Variants in GARIN2 observed in about 807,000 individuals in gnomAD.
The protein encoded by GARIN2 is golgi associated RAB2 interactor family member 2.
chr14:67,223,854 T>C, the GARIN2 span: 2 of 985,632 alleles, frequency 2.0e-6, no homozygotes, highest in African/African-American at 3.5e-5. Context: ...TTACTCTCAC[T>C]TAACACCCTG....
At chr14:67,221,873 C>T in the GARIN2 span, 1 of 1,587,134 alleles carries the variant, frequency 6.3e-7, no homozygotes, top group Non-Finnish European at 8.6e-7. Flanking sequence ...TCTCTGGTTC[C>T]TAGAAGAGTA....
chr14:67,203,284 T>G, the GARIN2 span: 9 of 1,585,614 alleles, frequency 5.7e-6, no homozygotes, highest in Non-Finnish European at 7.7e-6. Context: ...GAGAAACTAG[T>G]GCTCACCAGG....
At chr14:67,213,238 T>C in the GARIN2 span, among the ~76,000 whole-genome samples, 2 of 150,706 alleles carry the variant, frequency 1.3e-5, no homozygotes, top group African/African-American at 4.9e-5. Context: ...TATGTATACA[T>C]GTGCCATGCT....
At chr14:67,221,810 A>G in the GARIN2 span, 1 of 1,613,060 alleles carries the variant, frequency 6.2e-7, no homozygotes, top group East Asian at 2.2e-5. Context: ...CACTTCAGGT[A>G]TGGAACAAAT....
the GARIN2 span, chr14:67,208,283 G>A: frequency 6.2e-7 from 1 of 1,613,972 alleles, no homozygotes. Flanking sequence ...CTCAAAACAT[G>A]TCACCATCTC....
the GARIN2 span, chr14:67,203,423 C>A: frequency 1.5e-6 from 1 of 685,082 alleles, no homozygotes. Flanking sequence ...CTGCAAATGA[C>A]AAAGAGGAGC....
At chr14:67,225,973 G>T in the GARIN2 span, among the ~76,000 whole-genome samples, 16 of 144,890 alleles carry the variant, frequency 1.1e-4, no homozygotes, top group Non-Finnish European at 7.6e-5. Flanking sequence ...GCGCGCGCGC[G>T]CGTGCGCATG....
chr14:67,190,859 G>A, the GARIN2 span, among the ~76,000 whole-genome samples: 4 of 152,210 alleles, frequency 2.6e-5, no homozygotes, highest in Non-Finnish European at 4.4e-5. Context: ...ACACTTCAAA[G>A]TGCTGGGAAT....
chr14:67,224,676 A>G, the GARIN2 span: 2 of 322,582 alleles, frequency 6.2e-6, no homozygotes, highest in South Asian at 2.5e-5. Context: ...TGATTCTTTG[A>G]TATTTTTTCC....
chr14:67,207,245 A>G, the GARIN2 span, among the ~76,000 whole-genome samples: 2 of 152,162 alleles, frequency 1.3e-5, no homozygotes, highest in Non-Finnish European at 2.9e-5. Context: ...AAGGAAGCAC[A>G]ATGCTGGCAT....
At chr14:67,218,881 G>C in the GARIN2 span, among the ~76,000 whole-genome samples, 5 of 152,062 alleles carry the variant, frequency 3.3e-5, no homozygotes, top group Admixed American at 1.3e-4. Flanking sequence ...AAGTGCAGCA[G>C]TGAGGGTTGG....
chr14:67,220,031 AG>A, the GARIN2 span, among the ~76,000 whole-genome samples: 1 of 152,240 alleles, frequency 6.6e-6, no homozygotes, highest in African/African-American at 2.4e-5. Context: ...CAGAGACATT[AG>A]TGGGATTTAG....
the GARIN2 span, among the ~76,000 whole-genome samples, chr14:67,213,852 C>A: frequency 6.6e-6 from 1 of 152,280 alleles, no homozygotes; most frequent in South Asian, 2.1e-4. Flanking sequence ...TTAATGATTG[C>A]CATTCTAACT....
chr14:67,192,963 T>G, the GARIN2 span, among the ~76,000 whole-genome samples: 1 of 146,788 alleles, frequency 6.8e-6, no homozygotes, highest in African/African-American at 2.5e-5. Flanking sequence ...TATATCTATA[T>G]ATCGATATCT....
the GARIN2 span, among the ~76,000 whole-genome samples, chr14:67,208,720 A>G: frequency 3.9e-4 from 59 of 152,116 alleles, no homozygotes; most frequent in African/African-American, 1.1e-3. Context: ...AGATGGTGAA[A>G]CCCTGTCTCT....
the GARIN2 span, among the ~76,000 whole-genome samples, chr14:67,203,458 G>C: frequency 6.6e-6 from 1 of 152,202 alleles, no homozygotes; most frequent in South Asian, 2.1e-4. Flanking sequence ...GTGAAATCAT[G>C]TATGACAATG....
chr14:67,222,930 A>G, the GARIN2 span, among the ~76,000 whole-genome samples: 7 of 152,080 alleles, frequency 4.6e-5, no homozygotes, highest in African/African-American at 1.7e-4. Flanking sequence ...CAGTCCCACA[A>G]AAAACAGCAA....
At chr14:67,206,025 A>C in the GARIN2 span, among the ~76,000 whole-genome samples, 1 of 152,228 alleles carries the variant, frequency 6.6e-6, no homozygotes, top group South Asian at 2.1e-4. Context: ...CTCTACTAAA[A>C]ATACAAAAAT....
the GARIN2 span, chr14:67,198,880 T>C: frequency 1.5e-6 from 1 of 673,144 alleles, no homozygotes; most frequent in Non-Finnish European, 2.7e-6. Context: ...AGTTCAATGA[T>C]AGGGGTCATA....
Sources: gnomAD v4.1 joint callset for allele counts (sites outside exome capture counted in the v4.1 genomes callset) on GRCh38, gnomAD v4.1.1 for gene constraint, MANE v1.5 for transcripts, NCBI Gene and HGNC (gene_info 2026-07-23, HGNC 2026-07-21) for gene names.